DPP6: variants seen among roughly 807,000 people sequenced by gnomAD.
DPP6 encodes dipeptidyl peptidase like 6.
Under a neutral mutation model 122.6 loss-of-function variants are expected in DPP6, and 69 were observed. The observed-to-expected ratio is 0.56, with a 90% CI of 0.46 to 0.69. DPP6 has a LOEUF of 0.69. Among genes scored for constraint, DPP6 ranks in the 30% least tolerant of loss-of-function variants. The pLI is 0.00. For synonymous variants in DPP6, 418 were observed against 433.1 expected, an observed-to-expected ratio of 0.97 and a Z score of 0.43; for missense variants, 928 against 1,116.9, an observed-to-expected ratio of 0.83 and a Z score of 2.41.
At chr7:154,364,533 T>G (rs1811992924) in intron 1 of DPP6, among the ~76,000 whole-genome samples, 1 of 151,294 alleles carries the variant, frequency 6.6e-6, no homozygotes, top group Non-Finnish European at 1.5e-5. Flanking sequence ...GGGCAGGAGG[T>G]GAGGGCAGGG....
chr7:153,851,982 TC>T, the DPP6 span, among the ~76,000 whole-genome samples: 2 of 152,222 alleles, frequency 1.3e-5, no homozygotes, highest in Non-Finnish European at 2.9e-5. Context: ...ATTTTTTACA[TC>T]TATTATTCTC....
At position 153,944,332 on chromosome 7, in the gene DPP6, C is replaced by T. The variant is rs58446386; in HGVS notation, c.51+56598C>T. ...CAGTTTGTTTGAACATATACTCACCCGAGGCGTGTGCTTGGACCTGTAGAT... is the reference window on the plus strand; with the variant it reads ...CAGTTTGTTTGAACATATACTCACCTGAGGCGTGTGCTTGGACCTGTAGAT... On this transcript the variant is annotated intron_variant, in intron 1 of 25. Coordinates refer to the DPP6 transcript ENST00000404039. 4.7e-3 allele frequency among the ~76,000 whole-genome samples: 721 copies of T among 152,244 alleles called. 4 individuals carry two copies. The highest frequency in any genetic ancestry group is 0.015 in the African/African-American group (627 of 41,542).
At chr7:153,914,555 A>G (rs1800225796) in intron 1 of DPP6, among the ~76,000 whole-genome samples, 1 of 152,208 alleles carries the variant, frequency 6.6e-6, no homozygotes, top group Admixed American at 6.5e-5. Context: ...AGCATATTTA[A>G]GAGTACAGTT....
At position 154,215,738 on chromosome 7, in the gene DPP6, G is replaced by A. The variant is rs1799961458; in HGVS notation, c.243+162675G>A. Among the ~76,000 whole-genome samples the A allele has an allele frequency of 2.6e-5, 4 of 152,050 alleles. No homozygotes were observed. In the South Asian group the frequency reaches 8.3e-4, roughly 32 times the overall value. ...TAGGCTGGCCCAGAATCAACATGAT[G>A]AGGAGATCCCCAAATAGTTTACTTG... On this transcript the variant is annotated intron_variant, in intron 1 of 25. Transcript: ENST00000377770.
intron 1 of DPP6, among the ~76,000 whole-genome samples, chr7:154,168,512 C>T (rs1797371581): frequency 6.6e-6 from 1 of 152,166 alleles, no homozygotes. Flanking sequence ...ACATTGTGAT[C>T]TTTCAAAACA....
At chr7:153,764,005 A>T in the DPP6 span, among the ~76,000 whole-genome samples, 23 of 152,202 alleles carry the variant, frequency 1.5e-4, no homozygotes, top group African/African-American at 5.5e-4. Context: ...ATCATAAAAC[A>T]GCCTTATTCT....
chr7:154,124,668 A>G (rs1807746126), intron 1 of DPP6, among the ~76,000 whole-genome samples: 1 of 152,258 alleles, frequency 6.6e-6, no homozygotes, highest in Non-Finnish European at 1.5e-5. Context: ...AGAAAGAAGT[A>G]TGATGGCATC....
chr7:154,398,313 C>T (rs1412051451), intron 1 of DPP6, among the ~76,000 whole-genome samples: 1 of 152,172 alleles, frequency 6.6e-6, no homozygotes, highest in African/African-American at 2.4e-5. Context: ...GATCTCTCAA[C>T]TAATTAGTAA....
chr7:154,587,597 T>C, intron 5 of DPP6: 3 of 1,503,740 alleles, frequency 2.0e-6, no homozygotes, highest in Non-Finnish European at 1.8e-6. Flanking sequence ...CCTGGGACCA[T>C]AGAAATGGAA....
At chr7:153,929,063 C>T (rs942011072) in intron 1 of DPP6, among the ~76,000 whole-genome samples, 9 of 152,180 alleles carry the variant, frequency 5.9e-5, no homozygotes, top group South Asian at 2.1e-4. Context: ...AGAGAGATGA[C>T]GTGACTGGAA....
chr7:154,537,796 G>A (rs71534133), intron 3 of DPP6, among the ~76,000 whole-genome samples: 1 of 151,666 alleles, frequency 6.6e-6, no homozygotes, highest in Non-Finnish European at 1.5e-5. Context: ...AGAGGGAAGA[G>A]GAGAGGAAGC....
intron 1 of DPP6, among the ~76,000 whole-genome samples, chr7:153,921,070 T>C (rs1287910904): frequency 1.3e-5 from 2 of 152,252 alleles, no homozygotes; most frequent in African/African-American, 4.8e-5. Flanking sequence ...TCTGGCCACA[T>C]GACTTTCCCT....
At position 154,062,234 on chromosome 7, in the gene DPP6, A is replaced by C. The variant is rs1178243106; in HGVS notation, c.243+9171A>C. On this transcript the variant is annotated intron_variant, in intron 1 of 25. Transcript: ENST00000377770. The stretch of plus-strand genomic sequence containing the variant: ...GCGGGTGTTAGGTGTCCAAGTAGAA[A>C]GTTCAAATCTTCTGACGGCAGGTAC... 2.1e-5 allele frequency among the ~76,000 whole-genome samples: 2 copies of C among 96,080 alleles called. 1 individual carries two copies. Among genetic ancestry groups the C allele is most frequent in the Non-Finnish European group, 4.5e-5 (2 of 44,660 alleles). 63.0% of individuals were successfully genotyped at this position (96,080 alleles called of 152,430 possible). A position where few individuals can be genotyped will look rare whatever the true frequency, so the allele number is the denominator to read the frequency against.
intron 1 of DPP6, among the ~76,000 whole-genome samples, chr7:154,330,112 T>C (rs374213090): frequency 1.7e-4 from 26 of 152,318 alleles, no homozygotes; most frequent in African/African-American, 6.0e-4. Flanking sequence ...GATGGGTTGA[T>C]AGGTGCAGCA....
At chr7:154,642,035 AC>A (rs1226003508) in intron 6 of DPP6, among the ~76,000 whole-genome samples, 1 of 152,216 alleles carries the variant, frequency 6.6e-6, no homozygotes, top group Non-Finnish European at 1.5e-5. Context: ...CTGAGACATC[AC>A]TTCCTTCTAC....
intron 5 of DPP6, among the ~76,000 whole-genome samples, chr7:154,636,457 C>T (rs551311882): frequency 2.6e-5 from 4 of 152,328 alleles, no homozygotes; most frequent in Non-Finnish European, 5.9e-5. Flanking sequence ...TCCTGTGTTC[C>T]TTATTAGATT....
At chr7:153,897,915 A>G (rs1274005917) in intron 1 of DPP6, among the ~76,000 whole-genome samples, 1 of 152,238 alleles carries the variant, frequency 6.6e-6, no homozygotes, top group Non-Finnish European at 1.5e-5. Flanking sequence ...GAACTGATAG[A>G]AAACAGCATT....
intron 1 of DPP6, among the ~76,000 whole-genome samples, chr7:154,015,005 T>C (rs1452621130): frequency 1.3e-5 from 2 of 152,124 alleles, no homozygotes; most frequent in Non-Finnish European, 2.9e-5. Flanking sequence ...TTGAAGTTCA[T>C]TAAATGAATG....
chr7:153,837,430 T>C, the DPP6 span, among the ~76,000 whole-genome samples: 1 of 152,204 alleles, frequency 6.6e-6, no homozygotes, highest in East Asian at 1.9e-4. Flanking sequence ...CCAGACAGCT[T>C]AAATACCTTA....
Sources: allele counts gnomAD v4.1 joint callset (sites outside exome capture counted in the v4.1 genomes callset), GRCh38; gene constraint gnomAD v4.1.1; transcripts MANE v1.5; gene names NCBI Gene and HGNC (gene_info 2026-07-23, HGNC 2026-07-21).